Variants in SFMBT1 observed in about 807,000 individuals in gnomAD.
SFMBT1 encodes the protein Scm like with four mbt domains 1, also known as scm-like with four MBT domains protein 1.
Under a neutral mutation model 108.7 loss-of-function variants are expected in SFMBT1, and 32 were observed. The ratio of observed to expected loss-of-function variants is 0.29; its 90% confidence interval spans 0.22 to 0.40. The LOEUF (loss-of-function observed/expected upper bound fraction) is 0.40. Among genes scored for constraint, SFMBT1 ranks in the 10% least tolerant of loss-of-function variants. The pLI is 1.00. For synonymous variants in SFMBT1, 348 were observed against 369.5 expected (o/e 0.94, Z 0.67); for missense variants, 816 against 1,059.6 (o/e 0.77, Z 3.19).
At chr3:52,928,655 C>CATATAT (rs1377767825) in intron 8 of SFMBT1, among the ~76,000 whole-genome samples, 5 of 26,770 alleles carry the variant, frequency 1.9e-4, no homozygotes, top group African/African-American at 4.0e-4. Context: ...TATATATATA[C>CATATAT]ACATATATAC....
At chr3:52,925,846 G>C (rs1386159805) in intron 10 of SFMBT1, among the ~76,000 whole-genome samples, 185 bp downstream of exon 10, 1 of 152,160 alleles carries the variant, frequency 6.6e-6, no homozygotes, top group Non-Finnish European at 1.5e-5. Context: ...AACTTAATTA[G>C]CAAACTAACT....
In SFMBT1 at chr3:52,913,408, C is replaced by G. The variant is rs1355717455; in HGVS notation, c.1620+70G>C. The G allele has an allele frequency of 1.5e-5, 23 of 1,540,518 alleles. No individual in the cohort carries two copies. The South Asian group carries it at 2.9e-4, about 19-fold the overall frequency. On this transcript the variant is annotated intron_variant, in intron 15 of 20. Coordinates refer to ENST00000394752, the MANE Select transcript of SFMBT1 (RefSeq NM_016329.4). Reference sequence around the variant, plus strand: ...ACTGTCACATCTATGGCATGTGGCTCCCTGTAGAAATGACCATAGGAGAAT... The same window carrying G: ...ACTGTCACATCTATGGCATGTGGCTGCCTGTAGAAATGACCATAGGAGAAT...
intron 1 of SFMBT1, among the ~76,000 whole-genome samples, chr3:53,019,563 G>T (rs763943584): frequency 6.6e-6 from 1 of 152,122 alleles, no homozygotes; most frequent in African/African-American, 2.4e-5. Flanking sequence ...GACCAACCTA[G>T]TCAAAAACTT....
rs778615235 is a variant in SFMBT1 at position 52,928,195 on chromosome 3, A to T, written c.1044T>A (p.Pro348=). Residue 348 remains proline, a synonymous_variant, in exon 9 of 21, where the codon CCT becomes CCA. Transcript: ENST00000394752. ...CAGAAGACAGCGAATGTGCACCTGG[A>T]GGGGGGCTGATGTGTAGGCCATTCT... ...SLKNGLHISP[P]PGYPSQDFDW... 1.2e-6 allele frequency: 2 copies of T among 1,609,992 alleles called. No individual in the cohort carries two copies. Among genetic ancestry groups the T allele is most frequent in the Non-Finnish European group, 1.7e-6 (2 of 1,178,298 alleles).
At chr3:53,025,613 T>A (rs1045420034) in intron 1 of SFMBT1, among the ~76,000 whole-genome samples, 1 of 152,024 alleles carries the variant, frequency 6.6e-6, no homozygotes, top group Non-Finnish European at 1.5e-5. Flanking sequence ...GAACCCCGTC[T>A]TAAAAAAAGA....
chr3:52,908,335 GT>G (rs1395034619), intron 17 of SFMBT1, among the ~76,000 whole-genome samples: 10 of 152,060 alleles, frequency 6.6e-5, no homozygotes, highest in African/African-American at 1.9e-4. Flanking sequence ...GCCTCCCAAA[GT>G]GCTGGGATTA....
At chr3:52,987,377 C>A (rs564293887) in intron 1 of SFMBT1, among the ~76,000 whole-genome samples, 10 of 152,238 alleles carry the variant, frequency 6.6e-5, no homozygotes, top group African/African-American at 2.4e-4. Flanking sequence ...ACCAGTACCA[C>A]AACAAACACG....
In SFMBT1 at chr3:53,003,688, A is replaced by T. The variant is rs1698636311; in HGVS notation, c.-130-34430T>A. Among the ~76,000 whole-genome samples, 8 of 148,576 alleles carry T rather than the reference A, an allele frequency of 5.4e-5. 1 individual carries two copies. Among genetic ancestry groups the T allele is most frequent in the Admixed American group, 4.8e-4 (7 of 14,622 alleles). On this transcript the variant is annotated intron_variant, in intron 1 of 20. Transcript: ENST00000394752. ...GGTATTAAAGAGCACACAGTGACTG[A>T]CAGCATTATATTCATGGATGCTGCT...
Position 53,003,675 on chromosome 3 carries a change from CACA to C in SFMBT1, c.-130-34420_-130-34418del, listed in dbSNP as rs551491471. ...TGTTGTAAACACAGGTATTAAAGAG[CACA>C]CAGTGACTGACAGCATTATATTCAT... is the stretch of plus-strand genomic sequence containing the variant. On this transcript the variant is annotated intron_variant, in intron 1 of 20. Transcript: ENST00000394752. Among the ~76,000 whole-genome samples, 139 of 147,328 alleles carry C rather than the reference CACA, an allele frequency of 9.4e-4. 7 individuals carry two copies. The highest frequency in any genetic ancestry group is 3.5e-3 in the Middle Eastern group (1 of 284).
At chr3:52,957,882 T>A (rs1703830356) in intron 2 of SFMBT1, among the ~76,000 whole-genome samples, 1 of 152,102 alleles carries the variant, frequency 6.6e-6, no homozygotes, top group Non-Finnish European at 1.5e-5. Flanking sequence ...GGCACTAACA[T>A]TCAAGGCATA....
intron 1 of SFMBT1, among the ~76,000 whole-genome samples, chr3:53,021,023 A>C (rs1699288656): frequency 6.6e-6 from 1 of 152,182 alleles, no homozygotes; most frequent in African/African-American, 2.4e-5. Context: ...GCGCCACTGC[A>C]CTCCAGCCTG....
chr3:52,977,616 A>T lies in SFMBT1; in HGVS notation c.-130-8358T>A, dbSNP rs116452408. ...TTAAAAAGAGTAAGACAGCTTAGTA[A>T]GCATAAAGTTCATGCTGGGGTGATG... On this transcript the variant is annotated intron_variant, in intron 1 of 20. Transcript: ENST00000394752. Among the ~76,000 whole-genome samples the T allele has an allele frequency of 9.4e-3, 1,435 of 152,344 alleles. 19 individuals are homozygous for T. Among genetic ancestry groups the T allele is most frequent in the African/African-American group, 0.032 (1,344 of 41,580 alleles).
intron 1 of SFMBT1, among the ~76,000 whole-genome samples, chr3:52,992,376 T>C (rs1183561610): frequency 6.6e-6 from 1 of 152,254 alleles, no homozygotes; most frequent in Non-Finnish European, 1.5e-5. Context: ...TACGTGATTA[T>C]TACACATTCT....
intron 1 of SFMBT1, among the ~76,000 whole-genome samples, chr3:53,006,747 C>T (rs1446673255): frequency 6.6e-6 from 1 of 152,088 alleles, no homozygotes; most frequent in Admixed American, 6.5e-5. Context: ...GGAACCAATC[C>T]CCTGCAAACA....
chr3:52,921,707 T>A lies in SFMBT1; in HGVS notation c.1256A>T (p.Glu419Val). The stretch of plus-strand genomic sequence containing the variant: ...GCTTCTAGAGTGCTGGCACTCACCC[T>A]CCAGCTGGAGCCACAGGTAGGAGCC... ...VRGSYLWLQL[E>V]GSKKPIPECI... is the part of the protein sequence containing the mutation. The change falls in exon 11 of 21, where the codon GAG becomes GTG. Residue 419 changes from glutamate to valine, a missense_variant and splice_region_variant. By Grantham distance (121) the Glu-to-Val change is moderately radical. This residue lies in a region of SFMBT1 where 495 missense variants were observed against 607.4 expected (regional missense o/e 0.81). Transcript: ENST00000394752. 1 of 1,613,992 alleles carries A rather than the reference T, an allele frequency of 6.2e-7. No homozygotes were observed. The highest frequency in any genetic ancestry group is 8.5e-7 in the Non-Finnish European group (1 of 1,179,968).
At chr3:52,932,600 C>A (rs776606060) in intron 5 of SFMBT1, among the ~76,000 whole-genome samples, 8 of 152,164 alleles carry the variant, frequency 5.3e-5, no homozygotes, top group Non-Finnish European at 1.2e-4. Flanking sequence ...AAAATATCAT[C>A]ATTCCTCATC....
chr3:52,934,872 C>T lies in SFMBT1; in HGVS notation c.394G>A (p.Glu132Lys). ...CCTATCAGGGTCTGCCGCAGAAACTCATCCCAGTCAGATACTTTATCTCTG... is the reference window on the plus strand; with the variant it reads ...CCTATCAGGGTCTGCCGCAGAAACTTATCCCAGTCAGATACTTTATCTCTG... ...GIRDKVSDWD[E>K]FLRQTLIGAC... The change falls in exon 5 of 21, where the codon GAG becomes AAG. Residue 132 changes from glutamate (E) to lysine (K), a missense_variant. This residue lies in a region of SFMBT1 where 495 missense variants were observed against 607.4 expected (regional missense o/e 0.81). Coordinates refer to ENST00000394752, the MANE Select transcript of SFMBT1 (RefSeq NM_016329.4). 1.2e-6 allele frequency: 2 copies of T among 1,613,562 alleles called. No homozygotes were observed. Among genetic ancestry groups the T allele is most frequent in the Non-Finnish European group, 1.7e-6 (2 of 1,179,746 alleles).
chr3:52,977,580 C>T (rs1704560776), intron 1 of SFMBT1, among the ~76,000 whole-genome samples: 1 of 151,994 alleles, frequency 6.6e-6, no homozygotes, highest in African/African-American at 2.4e-5. Flanking sequence ...GGCACATCCA[C>T]AAGATGAAAG....
intron 1 of SFMBT1, among the ~76,000 whole-genome samples, chr3:53,027,907 T>C (rs1228350577): frequency 1.3e-5 from 2 of 152,238 alleles, no homozygotes; most frequent in African/African-American, 2.4e-5. Flanking sequence ...GGTGATGACC[T>C]TGAGCACTAT....
Sources: gnomAD v4.1 joint callset for allele counts (sites outside exome capture counted in the v4.1 genomes callset) on GRCh38, gnomAD v4.1.1 for gene constraint, gnomAD v4.1.1 regional missense constraint, MANE v1.5 for transcripts, NCBI Gene and HGNC (gene_info 2026-07-23, HGNC 2026-07-21) for gene names.